PRDM6: variants seen among roughly 807,000 people sequenced by gnomAD.
PRDM6 encodes PR/SET domain 6, also known as putative histone-lysine N-methyltransferase PRDM6.
A neutral mutation model predicts 60.8 loss-of-function variants in PRDM6; 25 were observed. The ratio of observed to expected loss-of-function variants is 0.41; its 90% CI spans 0.30 to 0.57. The LOEUF (loss-of-function observed/expected upper bound fraction) is 0.57. PRDM6 is among the 20% of genes least tolerant of loss of function. The pLI is 0.27. For missense variants in PRDM6, 839 were observed against 821.3 expected (o/e 1.02, Z -0.26); for synonymous variants, 407 against 357.4 (o/e 1.14, Z -1.57).
rs893653137 is a variant in PRDM6, at chr5:123,099,119, G to A, written c.593-535G>A. On this transcript the variant is annotated intron_variant, in intron 2 of 7. Coordinates refer to ENST00000407847, the MANE Select transcript of PRDM6 (RefSeq NM_001136239.4). The surrounding 1 kb of genome is among the most constrained non-coding windows in gnomAD (Gnocchi z 4.0). ...CGTCTCCTGTGTAATTGTAAAAAGA[G>A]GAAAGCTGAATACCCAGACGACCAG... Among the ~76,000 whole-genome samples, 1 of 152,214 alleles carries A rather than the reference G, an allele frequency of 6.6e-6. No homozygotes were observed. Among genetic ancestry groups the A allele is most frequent in the Non-Finnish European group, 1.5e-5 (1 of 68,036 alleles).
intron 3 of PRDM6, among the ~76,000 whole-genome samples, chr5:123,143,252 C>T (rs1580514307): frequency 6.6e-6 from 1 of 151,918 alleles, no homozygotes; most frequent in East Asian, 1.9e-4. Flanking sequence ...GAAGGTTACT[C>T]ATATGCACAC....
chr5:123,120,750 G>A (rs1288298050), intron 3 of PRDM6, among the ~76,000 whole-genome samples: 2 of 152,062 alleles, frequency 1.3e-5, no homozygotes, highest in East Asian at 1.9e-4. Context: ...AATATTGTCC[G>A]TTAAATGGAC....
intron 3 of PRDM6, among the ~76,000 whole-genome samples, chr5:123,127,259 AACTCTTGACCTCAGGTGATCC>A (rs1764714724): frequency 6.6e-6 from 1 of 152,222 alleles, no homozygotes; most frequent in Non-Finnish European, 1.5e-5. Flanking sequence ...GCTGGTGTCG[AACTCTTGACCTCAGGTGATCC>A]ACCCACCATG....
intron 3 of PRDM6, among the ~76,000 whole-genome samples, chr5:123,154,150 AAAAC>A (rs1316939332): frequency 1.3e-5 from 2 of 152,302 alleles, no homozygotes; most frequent in African/African-American, 4.8e-5. Context: ...TAGAAAAACA[AAAAC>A]AAAAACAAAA....
In PRDM6 at chr5:123,189,010, C is replaced by G. The variant is rs1045077620; in HGVS notation, c.*1809C>G. 9.2e-5 allele frequency: 14 copies of G among 152,292 alleles called. No homozygotes were observed. The highest frequency in any genetic ancestry group is 3.1e-4 in the African/African-American group (13 of 41,550). 9.4% of individuals were successfully genotyped at this position (152,292 alleles called of 1,614,324 possible). The stretch of plus-strand genomic sequence containing the variant: ...CTGACCTCTGTTGCCCAATCTCAAG[C>G]CATTCACCTAGAATTTTCCTCCAGT... On this transcript the variant is annotated 3_prime_UTR_variant, in exon 8 of 8. Transcript: ENST00000407847.
chr5:123,120,224 A>G (rs1026011474), intron 3 of PRDM6, among the ~76,000 whole-genome samples: 3 of 152,284 alleles, frequency 2.0e-5, no homozygotes, highest in Admixed American at 6.5e-5. Flanking sequence ...AGAGGAACAA[A>G]TGTGCATAAT....
chr5:123,108,186 C>T (rs919159230), intron 3 of PRDM6, among the ~76,000 whole-genome samples: 3 of 152,110 alleles, frequency 2.0e-5, no homozygotes, highest in Admixed American at 2.0e-4. Flanking sequence ...TTTTCACTCT[C>T]TGTGGTCATT....
intron 5 of PRDM6, 89 bp downstream of exon 5, chr5:123,159,727 C>T (rs1483268714): frequency 1.0e-5 from 13 of 1,282,226 alleles, no homozygotes; most frequent in South Asian, 2.7e-5. Flanking sequence ...ACTCATGAAA[C>T]GTGGTTCACT....
Position 123,099,490 on chromosome 5 carries a change from C to T in PRDM6, c.593-164C>T, listed in dbSNP as rs147479202. ...GGAGCGGCGCGGGTTCTCTTCTCCT[C>T]CTCCTCTGAGTTGCTTCGGTGCCCC... On this transcript the variant is annotated intron_variant, in intron 2 of 7. Transcript: ENST00000407847. This position sits in a 1 kb window ranked among gnomAD's most constrained non-coding sequence, Gnocchi z 4.0. 6.6e-6 allele frequency among the ~76,000 whole-genome samples: 1 copy of T among 152,308 alleles called. No individual in the cohort carries two copies. The highest frequency in any genetic ancestry group is 6.5e-5 in the Admixed American group (1 of 15,308).
intron 6 of PRDM6, among the ~76,000 whole-genome samples, chr5:123,177,170 C>T (rs942666935): frequency 6.6e-6 from 1 of 152,148 alleles, no homozygotes; most frequent in East Asian, 1.9e-4. Context: ...TTCCTGTTTC[C>T]CTGGATGAAA....
rs1023772422 is a variant in PRDM6 at position 123,170,781 on chromosome 5, C to T, written c.1169C>T (p.Thr390Met). The T allele has an allele frequency of 3.6e-5, 56 of 1,549,894 alleles. No individual in the cohort carries two copies. Among genetic ancestry groups the T allele is most frequent in the African/African-American group, 1.9e-4 (14 of 73,086 alleles). Residue 390 changes from threonine (T) to methionine (M), a missense_variant, in exon 6 of 8, where the codon ACG becomes ATG. Thr to Met is a moderately conservative substitution (Grantham distance 81). This residue lies in a region of PRDM6 where 730 missense variants were observed against 648.8 expected (regional missense o/e 1.13). Coordinates refer to ENST00000407847, the MANE Select transcript of PRDM6 (RefSeq NM_001136239.4). ...ATTCTCCTAGTAAATGTCCCTTCAA[C>T]GGTAATGGAAGCCATGTGCAGACAA... ...AQDENLNVPS[T>M]VMEAMCRQDA...
At position 123,129,438 on chromosome 5, in the gene PRDM6, T is replaced by G. The variant is rs914472187; in HGVS notation, c.901-26446T>G. Among the ~76,000 whole-genome samples, 8 of 152,196 alleles carry G rather than the reference T, an allele frequency of 5.3e-5. No homozygotes were observed. The East Asian group carries it at 1.5e-3, about 29-fold the overall frequency. On this transcript the variant is annotated intron_variant, in intron 3 of 7. Coordinates refer to ENST00000407847, the MANE Select transcript of PRDM6 (RefSeq NM_001136239.4). ...TTGTTAGCGTCCTCTTGTATTTTGT[T>G]GAGCAGTGATTTGTAGTTCTTCTTT...
At chr5:123,163,088 A>G (rs1765673734) in intron 5 of PRDM6, among the ~76,000 whole-genome samples, 1 of 152,136 alleles carries the variant, frequency 6.6e-6, no homozygotes, top group South Asian at 2.1e-4. Context: ...GAGATCAAAG[A>G]CTTTTTCAAT....
In PRDM6 at chr5:123,090,498, G is replaced by T. The variant is rs1168380319; in HGVS notation, c.484G>T (p.Gly162Cys). ...TGGCGGCGGCGGCGGGGAGGGTCGC[G>T]GCGCCCCGCGCTTCCGCTGCAGCGC... ...GGGGGGGEGR[G>C]APRFRCSAEE... is the part of the protein sequence containing the mutation. Residue 162 changes from glycine (G) to cysteine (C), a missense_variant, in exon 2 of 8, where the codon GGC becomes TGC. Physicochemically the swap from Gly to Cys is radical, Grantham distance 159. Transcript: ENST00000407847. 2 of 1,488,796 alleles carry T rather than the reference G, an allele frequency of 1.3e-6. No individual in the cohort carries two copies. The highest frequency in any genetic ancestry group is 1.8e-6 in the Non-Finnish European group (2 of 1,128,052). 92.2% of individuals were successfully genotyped at this position (1,488,796 alleles called of 1,614,324 possible).
rs534494279 is a variant in PRDM6, at chr5:123,101,263, G to A, written c.900+1302G>A. Reference sequence around the variant, plus strand: ...GAACCCTCCTGTGACTGTTGGGGATGGGGTCCTGAGGCCTGTGTCTGCAAA... The same window carrying A: ...GAACCCTCCTGTGACTGTTGGGGATAGGGTCCTGAGGCCTGTGTCTGCAAA... On this transcript the variant is annotated intron_variant, in intron 3 of 7. Transcript: ENST00000407847. Among the ~76,000 whole-genome samples the A allele has an allele frequency of 1.6e-4, 24 of 152,280 alleles. No homozygotes were observed. The South Asian group carries it at 3.7e-3, about 24-fold the overall frequency.
intron 7 of PRDM6, among the ~76,000 whole-genome samples, 154 bp downstream of exon 7, chr5:123,180,477 G>A (rs1218041432): frequency 1.3e-5 from 2 of 152,228 alleles, no homozygotes; most frequent in African/African-American, 2.4e-5. Flanking sequence ...CTTGTTTAGT[G>A]GCTGACATTT....
intron 3 of PRDM6, among the ~76,000 whole-genome samples, chr5:123,145,545 T>A (rs970692131): frequency 6.6e-6 from 1 of 152,166 alleles, no homozygotes; most frequent in Non-Finnish European, 1.5e-5. Flanking sequence ...CAAGTAAATG[T>A]CTTTGATGTA....
chr5:123,102,845 A>G (rs546212288), intron 3 of PRDM6, among the ~76,000 whole-genome samples: 2 of 152,168 alleles, frequency 1.3e-5, no homozygotes, highest in East Asian at 3.9e-4. Context: ...TTCCAAGTAG[A>G]TGATGGATTT....
intron 5 of PRDM6, among the ~76,000 whole-genome samples, chr5:123,160,108 C>G (rs1765593566): frequency 6.6e-6 from 1 of 152,198 alleles, no homozygotes. Context: ...TGTGCTTCCT[C>G]CTACATAGTC....
Sources: allele counts gnomAD v4.1 joint callset (sites outside exome capture counted in the v4.1 genomes callset), GRCh38; gene constraint gnomAD v4.1.1; regional missense constraint gnomAD v4.1.1; non-coding constraint Gnocchi (gnomAD v3.1); transcripts MANE v1.5; gene names NCBI Gene and HGNC (gene_info 2026-07-23, HGNC 2026-07-21).